Variants in CASQ2 observed in about 807,000 individuals in gnomAD.
CASQ2 encodes the protein calsequestrin-2.
In CASQ2, 49 loss-of-function variants were observed where a neutral mutation model predicts 46.5. The ratio of observed to expected loss-of-function variants is 1.05; its 90% CI spans 0.84 to 1.34. CASQ2 has a LOEUF of 1.34. Ranked by LOEUF, CASQ2 falls within the 40% of genes most tolerant of loss-of-function variation. The pLI, the probability that CASQ2 is intolerant of heterozygous loss-of-function variation, is 0.00. For synonymous variants in CASQ2, 174 were observed against 168.5 expected (o/e 1.03, Z -0.25); for missense variants, 486 against 481.3 (o/e 1.01, Z -0.09).
At chr1:115,726,957 C>A in intron 6 of CASQ2, 35 bp downstream of exon 6, 1 of 1,370,714 alleles carries the variant, frequency 7.3e-7, no homozygotes. Flanking sequence ...TCCCCAGACC[C>A]CAGGCCCCCA....
intron 5 of CASQ2, among the ~76,000 whole-genome samples, chr1:115,731,554 C>T (rs1647783661): frequency 6.6e-6 from 1 of 152,192 alleles, no homozygotes; most frequent in South Asian, 2.1e-4. Context: ...AACAATGGTG[C>T]TCATAGCTGG....
Position 115,701,090 on chromosome 1 carries a change from G to T in CASQ2, c.*151C>A. ...GAAAAGGCATTTGCTGAATGATGCT[G>T]CTCCTGACGCAAAGGGAGTGGGAAA... On this transcript the variant is annotated 3_prime_UTR_variant, in exon 11 of 11. Transcript: ENST00000261448. 3 of 1,176,412 alleles carry T rather than the reference G, an allele frequency of 2.6e-6. No homozygotes were observed. Among genetic ancestry groups the T allele is most frequent in the Non-Finnish European group, 2.5e-6 (2 of 788,274 alleles). 72.9% of individuals were successfully genotyped at this position (1,176,412 alleles called of 1,614,324 possible). A position where few individuals can be genotyped will look rare whatever the true frequency, so the allele number is the denominator to read the frequency against.
rs146269954 is a variant in CASQ2 at position 115,704,229 on chromosome 1, T to C, written c.939+963A>G. Among the ~76,000 whole-genome samples the C allele has an allele frequency of 1.4e-3, 219 of 152,334 alleles. 6 individuals carry two copies. The East Asian group carries it at 0.039, about 27-fold the overall frequency. On this transcript the variant is annotated intron_variant, in intron 9 of 10. Coordinates refer to ENST00000261448, the MANE Select transcript of CASQ2 (RefSeq NM_001232.4). Reference sequence around the variant, plus strand: ...CAGTCATGACCTATGCAACTAATGATAATTCCTGGAAGATAAAGTCATCAT... The same window carrying C: ...CAGTCATGACCTATGCAACTAATGACAATTCCTGGAAGATAAAGTCATCAT...
At chr1:115,738,510 T>C (rs577964898) in intron 3 of CASQ2, among the ~76,000 whole-genome samples, 175 bp from the exon 4 acceptor site, 8 of 152,326 alleles carry the variant, frequency 5.3e-5, no homozygotes, top group Admixed American at 3.3e-4. Flanking sequence ...TTCTGAGGAA[T>C]AGAACTTAAC....
intron 1 of CASQ2, among the ~76,000 whole-genome samples, chr1:115,766,234 C>A (rs1389748416): frequency 3.3e-5 from 5 of 152,100 alleles, no homozygotes; most frequent in African/African-American, 9.6e-5. Flanking sequence ...TACCCAGAAG[C>A]CCCTTGGGCG....
intron 1 of CASQ2, among the ~76,000 whole-genome samples, chr1:115,761,408 G>C (rs1396345173): frequency 0.033 from 2 of 60 alleles, no homozygotes; most frequent in Admixed American, 0.25. Context: ...AAAAAAAGAA[G>C]AAGAAGAAGA....
intron 1 of CASQ2, among the ~76,000 whole-genome samples, chr1:115,767,801 C>A (rs1377565229): frequency 1.3e-5 from 2 of 152,140 alleles, no homozygotes; most frequent in Non-Finnish European, 2.9e-5. Flanking sequence ...TTCTGTAATG[C>A]TGACTGACGC....
intron 8 of CASQ2, among the ~76,000 whole-genome samples, chr1:115,714,500 G>T (rs866363914): frequency 6.6e-6 from 1 of 152,154 alleles, no homozygotes; most frequent in Non-Finnish European, 1.5e-5. Context: ...TCTTTAAGAA[G>T]AACTGTATTA....
chr1:115,746,504 C>G (rs982552072), intron 1 of CASQ2, among the ~76,000 whole-genome samples: 1 of 152,168 alleles, frequency 6.6e-6, no homozygotes, highest in East Asian at 1.9e-4. Context: ...GTAGCATAAC[C>G]ATTTTTCATT....
At chr1:115,710,697 A>T (rs752750669) in intron 8 of CASQ2, among the ~76,000 whole-genome samples, 9 of 152,104 alleles carry the variant, frequency 5.9e-5, no homozygotes, top group Non-Finnish European at 1.3e-4. Context: ...TGGCTAACTC[A>T]GGGATGGCTC....
intron 9 of CASQ2, 129 bp downstream of exon 9, chr1:115,705,063 C>T: frequency 1.3e-6 from 1 of 751,050 alleles, no homozygotes. Context: ...GCCAAGACCT[C>T]CCACACTGGG....
intron 2 of CASQ2, 48 bp downstream of exon 2, chr1:115,744,780 A>G (rs549792301): frequency 4.0e-6 from 5 of 1,258,132 alleles, no homozygotes; most frequent in Admixed American, 1.7e-5. Context: ...CTTTTGCAAG[A>G]CACATTCGTT....
intron 2 of CASQ2, 150 bp from the exon 3 acceptor site, chr1:115,740,978 A>G: frequency 3.0e-6 from 2 of 676,790 alleles, no homozygotes; most frequent in South Asian, 3.2e-5. Context: ...GCCTTGAAAT[A>G]ACACTTTTGA....
In CASQ2 at chr1:115,714,561, G is replaced by T. The variant is rs188734451; in HGVS notation, c.838+3279C>A. 1.5e-3 allele frequency among the ~76,000 whole-genome samples: 227 copies of T among 152,250 alleles called. 1 individual carries two copies. The highest frequency in any genetic ancestry group is 5.2e-3 in the African/African-American group (218 of 41,540). On this transcript the variant is annotated intron_variant, in intron 8 of 10. Coordinates refer to ENST00000261448, the MANE Select transcript of CASQ2 (RefSeq NM_001232.4). ...CTTGGGGTGGTGGGGTTAGGTGTTT[G>T]GTTGGGGTGAAAGGCCATGTCTAAC...
At chr1:115,765,234 G>A (rs1042256429) in intron 1 of CASQ2, among the ~76,000 whole-genome samples, 3 of 152,180 alleles carry the variant, frequency 2.0e-5, no homozygotes, top group African/African-American at 7.2e-5. Flanking sequence ...CGTATCCACA[G>A]CATCTATCCC....
intron 4 of CASQ2, among the ~76,000 whole-genome samples, chr1:115,736,787 C>A (rs1428996773): frequency 1.3e-5 from 2 of 152,024 alleles, no homozygotes; most frequent in Admixed American, 1.3e-4. Flanking sequence ...GTTAATTGCA[C>A]CTTTCTGTTC....
Position 115,727,122 on chromosome 1 carries a change from C to T in CASQ2, c.607G>A (p.Val203Ile), listed in dbSNP as rs1358846594. ...IKFFATFDKGVAKKLSLKMNE... is the reference protein window; with the variant it reads ...IKFFATFDKGIAKKLSLKMNE... ...ATCTTCAAAGATAATTTCTTTGCAACCTGTAACCATTAGAAATAAGACAAA... is the reference window on the plus strand; with the variant it reads ...ATCTTCAAAGATAATTTCTTTGCAATCTGTAACCATTAGAAATAAGACAAA... Residue 203 changes from valine (V) to isoleucine (I), a missense_variant and splice_region_variant, in exon 6 of 11, where the codon GTT (valine) becomes ATT (isoleucine). Val to Ile is a conservative substitution (Grantham distance 29, BLOSUM62 3). Transcript: ENST00000261448. 1.2e-6 allele frequency: 2 copies of T among 1,609,604 alleles called. No individual in the cohort carries two copies. The highest frequency in any genetic ancestry group is 2.7e-5 in the African/African-American group (2 of 74,932).
intron 7 of CASQ2, 28 bp from the exon 8 acceptor site, chr1:115,717,922 A>G (rs1647224039): frequency 6.6e-7 from 1 of 1,516,168 alleles, no homozygotes; most frequent in African/African-American, 1.4e-5. Flanking sequence ...CAAAAGTTAC[A>G]CTTCCAGCTG....
At chr1:115,761,741 A>G (rs576375597) in intron 1 of CASQ2, among the ~76,000 whole-genome samples, 2 of 152,150 alleles carry the variant, frequency 1.3e-5, no homozygotes, top group South Asian at 2.1e-4. Flanking sequence ...AAACAGCTGC[A>G]AAACTCAGAG....
Sources: gnomAD v4.1 joint callset for allele counts (sites outside exome capture counted in the v4.1 genomes callset) on GRCh38, gnomAD v4.1.1 for gene constraint, MANE v1.5 for transcripts, NCBI Gene and HGNC (gene_info 2026-07-23, HGNC 2026-07-21) for gene names.